UNC5C: variants seen among roughly 807,000 people sequenced by gnomAD.
The protein encoded by UNC5C is netrin receptor UNC5C.
A neutral mutation model predicts 99.8 loss-of-function variants in UNC5C; 47 were observed. The ratio of observed to expected loss-of-function variants is 0.47; its 90% CI spans 0.37 to 0.60. The LOEUF (loss-of-function observed/expected upper bound fraction) is 0.60. Among genes scored for constraint, UNC5C ranks in the 20% least tolerant of loss-of-function variants. The pLI is 0.00. For missense variants in UNC5C, 1,062 were observed against 1,165.9 expected (o/e 0.91, Z 1.30); for synonymous variants, 487 against 452.2 (o/e 1.08, Z -0.98).
chr4:95,444,332 CTT>C (rs11363815), intron 1 of UNC5C, among the ~76,000 whole-genome samples: 1,700 of 136,158 alleles, frequency 0.012, 22 homozygotes, highest in African/African-American at 0.041. Flanking sequence ...AGTGCATTGC[CTT>C]TTTTTTTTTT....
rs375398721 is a variant in UNC5C, at chr4:95,384,858, T to C, written c.125-49227A>G. ...AAATTTAAGATTCTTAAAGGCTAAA[T>C]TGAGATTAGACCTCTGATTGTATGT... On this transcript the variant is annotated intron_variant, in intron 1 of 15. Transcript: ENST00000453304. Among the ~76,000 whole-genome samples, 34 of 152,136 alleles carry C rather than the reference T, an allele frequency of 2.2e-4. No homozygotes were observed. In the South Asian group the frequency reaches 5.6e-3, roughly 25 times the overall value.
At chr4:95,349,757 G>C (rs1213099841) in intron 1 of UNC5C, among the ~76,000 whole-genome samples, 1 of 151,926 alleles carries the variant, frequency 6.6e-6, no homozygotes, top group African/African-American at 2.4e-5. Flanking sequence ...GTACTTGTAA[G>C]TATAATGTGT....
chr4:95,180,854 G>A (rs1205870173), intron 14 of UNC5C, among the ~76,000 whole-genome samples: 1 of 152,190 alleles, frequency 6.6e-6, no homozygotes, highest in Admixed American at 6.5e-5. Context: ...AAGGAGCCCT[G>A]TTCAGAAGAA....
chr4:95,331,957 A>G (rs913906090), intron 2 of UNC5C, among the ~76,000 whole-genome samples: 2 of 152,024 alleles, frequency 1.3e-5, no homozygotes, highest in Admixed American at 6.6e-5. Context: ...TCATGAGTGA[A>G]CTCCCATTCA....
chr4:95,191,805 TCTCCCCTGCTCAC>T (rs1737112387), intron 12 of UNC5C, among the ~76,000 whole-genome samples: 1 of 129,308 alleles, frequency 7.7e-6, no homozygotes, highest in Admixed American at 7.8e-5. Flanking sequence ...CTTCTCACCT[TCTCCCCTGCTCAC>T]CTCTTCTGCT....
At chr4:95,329,925 A>G (rs1421307923) in intron 2 of UNC5C, among the ~76,000 whole-genome samples, 1 of 152,148 alleles carries the variant, frequency 6.6e-6, no homozygotes, top group Non-Finnish European at 1.5e-5. Context: ...GATGGTGGCG[A>G]TGATGATGAT....
chr4:95,297,233 C>T (rs950463732), intron 3 of UNC5C, among the ~76,000 whole-genome samples: 1 of 152,138 alleles, frequency 6.6e-6, no homozygotes, highest in Non-Finnish European at 1.5e-5. Flanking sequence ...TATTCCTCCA[C>T]CTGATATCCT....
intron 15 of UNC5C, 80 bp from the exon 16 acceptor site, chr4:95,169,479 C>G (rs775609692): frequency 6.7e-7 from 1 of 1,501,340 alleles, no homozygotes; most frequent in Admixed American, 1.9e-5. Context: ...TTCTGTCTCT[C>G]TACTTGTCTT....
chr4:95,399,221 C>G (rs749314366), intron 1 of UNC5C, among the ~76,000 whole-genome samples: 30 of 152,154 alleles, frequency 2.0e-4, no homozygotes, highest in Non-Finnish European at 3.4e-4. Context: ...GAAGAAGTAT[C>G]ATGCTAAAAG....
intron 1 of UNC5C, among the ~76,000 whole-genome samples, chr4:95,352,143 A>G (rs1744014027): frequency 6.6e-6 from 1 of 152,090 alleles, no homozygotes; most frequent in Non-Finnish European, 1.5e-5. Context: ...AAACCCTTCA[A>G]TGCCTTTGCA....
intron 1 of UNC5C, among the ~76,000 whole-genome samples, chr4:95,516,907 C>T (rs1352092672): frequency 8.5e-5 from 13 of 152,096 alleles, no homozygotes; most frequent in Admixed American, 6.6e-4. Context: ...TGTACATACA[C>T]ATGGAGAGCA....
rs532508819 is a variant in UNC5C, at chr4:95,364,445, T to C, written c.125-28814A>G. Among the ~76,000 whole-genome samples, 12 of 152,342 alleles carry C rather than the reference T, an allele frequency of 7.9e-5. 1 individual carries two copies. The South Asian group carries it at 2.1e-3, about 26-fold the overall frequency. On this transcript the variant is annotated intron_variant, in intron 1 of 15. Coordinates refer to ENST00000453304, the MANE Select transcript of UNC5C (RefSeq NM_003728.4). ...AGTAAATCTGTAAAGCATTTCACTT[T>C]ATCTTCAAAATGACTGATATTTTAT...
chr4:95,538,016 A>AT (rs1722824751), intron 1 of UNC5C, among the ~76,000 whole-genome samples: 1 of 152,040 alleles, frequency 6.6e-6, no homozygotes, highest in South Asian at 2.1e-4. Context: ...TCTCCATATG[A>AT]TTTTTCTCAA....
intron 1 of UNC5C, among the ~76,000 whole-genome samples, chr4:95,439,383 G>GT (rs3069229): frequency 0.053 from 7,603 of 144,298 alleles, 260 homozygotes; most frequent in South Asian, 0.13. Context: ...TGAGGTTTTG[G>GT]TTTTTTTTTT....
At chr4:95,241,192 GC>G (rs1329903545) in intron 7 of UNC5C, among the ~76,000 whole-genome samples, 2 of 152,176 alleles carry the variant, frequency 1.3e-5, no homozygotes, top group Non-Finnish European at 2.9e-5. Context: ...GGTTAGCAAA[GC>G]CGATTTTCAT....
chr4:95,548,881 G>A lies in UNC5C; in HGVS notation c.-24C>T, dbSNP rs1019590893. ...ATCGTAGACAGAGGTGTGCCGGGGG[G>A]AGGGGAGGGGGACAGAGAGACGCGC... On this transcript the variant is annotated 5_prime_UTR_variant, in exon 1 of 16. Coordinates refer to ENST00000453304, the MANE Select transcript of UNC5C (RefSeq NM_003728.4). 5.6e-6 allele frequency: 9 copies of A among 1,611,116 alleles called. No individual in the cohort carries two copies. The highest frequency in any genetic ancestry group is 1.1e-5 in the South Asian group (1 of 90,938).
chr4:95,377,918 G>A (rs1744943668), intron 1 of UNC5C, among the ~76,000 whole-genome samples: 3 of 152,106 alleles, frequency 2.0e-5, no homozygotes, highest in African/African-American at 2.4e-5. Flanking sequence ...ATTCCTTCTC[G>A]ATAACTGACT....
intron 1 of UNC5C, among the ~76,000 whole-genome samples, chr4:95,374,636 C>G (rs1744840086): frequency 6.6e-6 from 1 of 152,058 alleles, no homozygotes; most frequent in African/African-American, 2.4e-5. Context: ...ATCTTGACTA[C>G]CCAAGGCATA....
intron 14 of UNC5C, among the ~76,000 whole-genome samples, chr4:95,173,575 A>AT (rs1317363187): frequency 6.9e-6 from 1 of 144,164 alleles, no homozygotes; most frequent in Non-Finnish European, 1.5e-5. Context: ...CCAGCCTTGC[A>AT]TCCCAGGGAT....
Sources: allele counts gnomAD v4.1 joint callset (sites outside exome capture counted in the v4.1 genomes callset), GRCh38; gene constraint gnomAD v4.1.1; transcripts MANE v1.5; gene names NCBI Gene and HGNC (gene_info 2026-07-23, HGNC 2026-07-21).